Variants in CAP2 observed in about 807,000 individuals in gnomAD.
CAP2 encodes the protein cyclase associated actin cytoskeleton regulatory protein 2.
Under a neutral mutation model 57.7 loss-of-function variants are expected in CAP2, and 24 were observed. That is an observed-to-expected ratio of 0.42 (90% confidence interval 0.30 to 0.58). CAP2 has a LOEUF of 0.58. Among genes scored for constraint, CAP2 ranks in the 20% least tolerant of loss-of-function variants. CAP2 has a pLI of 0.22. For synonymous variants in CAP2, 194 were observed against 207.2 expected (o/e 0.94, Z 0.55); for missense variants, 501 against 590.3 (o/e 0.85, Z 1.57).
chr6:17,539,687 T>G (rs943100372), intron 8 of CAP2, among the ~76,000 whole-genome samples: 1 of 152,166 alleles, frequency 6.6e-6, no homozygotes, highest in Non-Finnish European at 1.5e-5. Context: ...TCAGAGACTC[T>G]GGGTTCTAAA....
chr6:17,455,227 A>G (rs1760527033), intron 3 of CAP2, among the ~76,000 whole-genome samples: 1 of 152,134 alleles, frequency 6.6e-6, no homozygotes, highest in African/African-American at 2.4e-5. Flanking sequence ...CTAAGAGGCA[A>G]AATGGTGGAG....
intron 7 of CAP2, among the ~76,000 whole-genome samples, chr6:17,537,420 CA>C (rs989115473): frequency 6.6e-6 from 1 of 151,928 alleles, no homozygotes; most frequent in African/African-American, 2.4e-5. Context: ...ACTCCTGGCT[CA>C]AGTGATCCAA....
intron 3 of CAP2, among the ~76,000 whole-genome samples, chr6:17,436,107 T>TTCCTTCCTTCCTTCCC (rs1759880810): frequency 6.6e-6 from 1 of 150,900 alleles, no homozygotes; most frequent in Non-Finnish European, 1.5e-5. Context: ...CCTTCCTTCC[T>TTCCTTCCTTCCTTCCC]TCCTTCCTTC....
chr6:17,529,910 T>G (rs1762601222), intron 7 of CAP2, among the ~76,000 whole-genome samples: 1 of 152,052 alleles, frequency 6.6e-6, no homozygotes, highest in Non-Finnish European at 1.5e-5. Flanking sequence ...AGTTGTCACT[T>G]TGGGAGGCCA....
intron 7 of CAP2, among the ~76,000 whole-genome samples, chr6:17,525,477 A>AG (rs985978547): frequency 2.0e-5 from 3 of 151,562 alleles, no homozygotes; most frequent in African/African-American, 7.3e-5. Flanking sequence ...TCAAAAAAAA[A>AG]AAAGAAAGAA....
intron 3 of CAP2, among the ~76,000 whole-genome samples, chr6:17,428,857 C>G (rs1759655762): frequency 6.6e-6 from 1 of 152,146 alleles, no homozygotes; most frequent in Non-Finnish European, 1.5e-5. Context: ...CACCCAACAC[C>G]AGTCTCCCAG....
chr6:17,537,219 C>G (rs547324825), intron 7 of CAP2, among the ~76,000 whole-genome samples: 1 of 152,178 alleles, frequency 6.6e-6, no homozygotes, highest in South Asian at 2.1e-4. Context: ...GGGTCTCACT[C>G]TCTGTTTTCC....
chr6:17,517,643 G>A (rs933871558), intron 7 of CAP2, among the ~76,000 whole-genome samples: 57 of 152,310 alleles, frequency 3.7e-4, no homozygotes, highest in African/African-American at 1.3e-3. Flanking sequence ...GCTCACGCCT[G>A]TAATCCCAGC....
At chr6:17,438,992 TC>T (rs1759989918) in intron 3 of CAP2, among the ~76,000 whole-genome samples, 1 of 150,530 alleles carries the variant, frequency 6.6e-6, no homozygotes, top group Non-Finnish European at 1.5e-5. Flanking sequence ...ACACCTGTAA[TC>T]CCAGCTACTT....
At chr6:17,542,320 G>A (rs1298168809) in intron 9 of CAP2, among the ~76,000 whole-genome samples, 2 of 152,116 alleles carry the variant, frequency 1.3e-5, no homozygotes, top group Non-Finnish European at 2.9e-5. Context: ...CCCACTGCCC[G>A]GGCTAAGTGT....
intron 7 of CAP2, among the ~76,000 whole-genome samples, chr6:17,514,684 C>T (rs1448696157): frequency 6.6e-6 from 1 of 150,696 alleles, no homozygotes; most frequent in African/African-American, 2.4e-5. Context: ...GGGAGGCAGA[C>T]GTTGCAGTGA....
rs562640381 is a variant in CAP2 at position 17,431,286 on chromosome 6, AC to A, written c.222+4600del. 3.4e-4 allele frequency among the ~76,000 whole-genome samples: 52 copies of A among 152,302 alleles called. 2 individuals carry two copies. The South Asian group carries it at 0.011, about 32-fold the overall frequency. On this transcript the variant is annotated intron_variant, in intron 3 of 12. Transcript: ENST00000229922. Reference sequence around the variant, plus strand: ...ACCTACATAACAAACCTGTATGTGTACCCCTGAACCTAAACTAGAAGTTTAA... The same window carrying A: ...ACCTACATAACAAACCTGTATGTGTACCCTGAACCTAAACTAGAAGTTTAA...
chr6:17,464,549 C>T (rs1760814089), intron 4 of CAP2, among the ~76,000 whole-genome samples: 1 of 152,288 alleles, frequency 6.6e-6, no homozygotes, highest in African/African-American at 2.4e-5. Flanking sequence ...GTACCTGGGT[C>T]CCAACCCAAG....
intron 8 of CAP2, among the ~76,000 whole-genome samples, chr6:17,540,036 C>T (rs1197222729): frequency 1.3e-5 from 2 of 152,140 alleles, no homozygotes; most frequent in Non-Finnish European, 2.9e-5. Context: ...GAGCTGAGAT[C>T]GCACCACTGC....
chr6:17,533,203 A>G (rs1278638697), intron 7 of CAP2, among the ~76,000 whole-genome samples: 3 of 151,830 alleles, frequency 2.0e-5, no homozygotes, highest in African/African-American at 7.3e-5. Context: ...GTACATTAGT[A>G]TAGAACTATA....
chr6:17,549,515 TG>T (rs1763123881), intron 11 of CAP2, among the ~76,000 whole-genome samples: 1 of 151,772 alleles, frequency 6.6e-6, no homozygotes, highest in Non-Finnish European at 1.5e-5. Flanking sequence ...GATAGAAAAA[TG>T]GGCACAGAAT....
chr6:17,545,290 A>G (rs536583902), intron 11 of CAP2, among the ~76,000 whole-genome samples: 52 of 152,338 alleles, frequency 3.4e-4, no homozygotes, highest in African/African-American at 1.2e-3. Context: ...ACAGAAATTA[A>G]GCTTAGGTAG....
At position 17,394,169 on chromosome 6, in the gene CAP2, G is replaced by C. The variant is rs371414021; in HGVS notation, c.-2+423G>C. Among the ~76,000 whole-genome samples the C allele has an allele frequency of 2.1e-4, 32 of 151,614 alleles. No individual in the cohort carries two copies. In the Middle Eastern group the frequency reaches 0.017, roughly 81 times the overall value. On this transcript the variant is annotated intron_variant, in intron 1 of 12. Transcript: ENST00000229922. ...CGGGCTGTGAGTCTTCCAGGGGGGT[G>C]GGGGTGGGAGTCATTGCGCCGGCTC...
chr6:17,524,115 G>A, intron 7 of CAP2, among the ~76,000 whole-genome samples: 1 of 148,758 alleles, frequency 6.7e-6, no homozygotes, highest in East Asian at 2.0e-4. Context: ...AAGTTTTCCT[G>A]TAATGATCTC....
Sources: allele counts gnomAD v4.1 joint callset (sites outside exome capture counted in the v4.1 genomes callset), GRCh38; gene constraint gnomAD v4.1.1; transcripts MANE v1.5; gene names NCBI Gene and HGNC (gene_info 2026-07-23, HGNC 2026-07-21).